ZNF676: variants seen among roughly 807,000 people sequenced by gnomAD.
ZNF676 encodes zinc finger protein 676.
A neutral mutation model predicts 6.0 loss-of-function variants in ZNF676; 4 were observed. The ratio of observed to expected loss-of-function variants is 0.67; its 90% CI spans 0.33 to 1.53. The LOEUF is 1.53. Among genes scored for constraint, ZNF676 ranks in the 40% most tolerant of loss-of-function variants. The pLI, the probability that ZNF676 is intolerant of heterozygous loss-of-function variation, is 0.06. For missense variants in ZNF676, 644 were observed against 679.7 expected, an observed-to-expected ratio of 0.95 and a Z score of 0.58; for synonymous variants, 198 against 223.1, an observed-to-expected ratio of 0.89 and a Z score of 1.00.
the ZNF676 span, among the ~76,000 whole-genome samples, chr19:22,229,369 T>C: frequency 2.0e-5 from 3 of 152,192 alleles, no homozygotes; most frequent in African/African-American, 7.2e-5. Context: ...GATTAAAGAC[T>C]TAAATGTAAC....
chr19:22,209,157 T>A (rs1349953895), intron 1 of ZNF676, among the ~76,000 whole-genome samples: 1 of 151,850 alleles, frequency 6.6e-6, no homozygotes, highest in Non-Finnish European at 1.5e-5. Flanking sequence ...CCCAGCTACT[T>A]GGGAGGCTGT....
chr19:22,202,703 A>G (rs2024038044), intron 1 of ZNF676, among the ~76,000 whole-genome samples: 1 of 152,248 alleles, frequency 6.6e-6, no homozygotes, highest in South Asian at 2.1e-4. Context: ...ACCATAATTC[A>G]TCTACAAGTA....
At chr19:22,219,101 GT>G (rs951141148), upstream of ZNF676, among the ~76,000 whole-genome samples, 9 of 124,590 alleles carry the variant, frequency 7.2e-5, no homozygotes, top group Admixed American at 4.1e-4. Flanking sequence ...TTTTTGTTTT[GT>G]TTTTTTTTCT....
At chr19:22,206,059 ACACACACAC>A (rs2024073181) in intron 1 of ZNF676, among the ~76,000 whole-genome samples, 1 of 10,488 alleles carries the variant, frequency 9.5e-5, no homozygotes, top group African/African-American at 7.7e-4. Flanking sequence ...AAAACTCAAC[ACACACACAC>A]ACACACACAC....
At chr19:22,193,789 A>C (rs2023939347) in intron 1 of ZNF676, among the ~76,000 whole-genome samples, 1 of 152,150 alleles carries the variant, frequency 6.6e-6, no homozygotes, top group South Asian at 2.1e-4. Context: ...AACAATCTGC[A>C]ACATCTTTTA....
intron 1 of ZNF676, among the ~76,000 whole-genome samples, chr19:22,208,860 T>G (rs1196054684): frequency 6.6e-6 from 1 of 152,140 alleles, no homozygotes; most frequent in Non-Finnish European, 1.5e-5. Flanking sequence ...GAGGATTGTT[T>G]GAGCCTGAGT....
the ZNF676 span, among the ~76,000 whole-genome samples, chr19:22,226,738 A>C: frequency 1.3e-5 from 2 of 151,946 alleles, no homozygotes; most frequent in Non-Finnish European, 2.9e-5. Context: ...TTGGGATTAC[A>C]GGCACTCACC....
At chr19:22,231,194 C>T in the ZNF676 span, among the ~76,000 whole-genome samples, 1 of 133,660 alleles carries the variant, frequency 7.5e-6, no homozygotes, top group South Asian at 2.4e-4. Context: ...TTCCAAAGTA[C>T]CACAAGGTAT....
intron 1 of ZNF676, among the ~76,000 whole-genome samples, chr19:22,208,983 G>A (rs544580906): frequency 4.0e-5 from 6 of 151,898 alleles, no homozygotes; most frequent in African/African-American, 1.4e-4. Context: ...AACAAAATAT[G>A]GGCCGGGTGC....
At chr19:22,234,086 G>A in the ZNF676 span, among the ~76,000 whole-genome samples, 1 of 152,168 alleles carries the variant, frequency 6.6e-6, no homozygotes, top group African/African-American at 2.4e-5. Context: ...CTCCTTCCAT[G>A]CAAAGTGCAC....
intron 1 of ZNF676, among the ~76,000 whole-genome samples, chr19:22,210,989 CTTAT>C (rs2024124071): frequency 3.3e-5 from 5 of 152,016 alleles, no homozygotes; most frequent in Admixed American, 6.6e-5. Flanking sequence ...TCTTTCTAAT[CTTAT>C]TTGTTTTCTC....
the ZNF676 span, among the ~76,000 whole-genome samples, chr19:22,250,962 T>C: frequency 6.6e-6 from 1 of 152,162 alleles, no homozygotes; most frequent in African/African-American, 2.4e-5. Flanking sequence ...TCCACTCACC[T>C]TGGTCTCCCA....
At chr19:22,192,951 A>T (rs1042482659) in intron 2 of ZNF676, 65 bp downstream of exon 2, 1 of 1,484,226 alleles carries the variant, frequency 6.7e-7, no homozygotes, top group Non-Finnish European at 9.0e-7. Context: ...AAATGACTTT[A>T]AGGACTGGCT....
chr19:22,210,846 T>C (rs973042365), intron 1 of ZNF676, among the ~76,000 whole-genome samples: 1 of 152,186 alleles, frequency 6.6e-6, no homozygotes, highest in African/African-American at 2.4e-5. Context: ...CGAGCCACCA[T>C]ACAACCTCAT....
At chr19:22,219,561 G>A (rs774264700), upstream of ZNF676, among the ~76,000 whole-genome samples, 14 of 152,114 alleles carry the variant, frequency 9.2e-5, no homozygotes, top group Non-Finnish European at 1.2e-4. Context: ...TTGAATAGAA[G>A]TGGTGAGAGT....
chr19:22,254,967 T>G, the ZNF676 span, among the ~76,000 whole-genome samples: 7 of 152,200 alleles, frequency 4.6e-5, no homozygotes, highest in South Asian at 2.1e-4. Context: ...CAATCACACA[T>G]GCAAGATGGT....
chr19:22,219,049 T>G (rs2024223295), upstream of ZNF676, among the ~76,000 whole-genome samples: 1 of 148,984 alleles, frequency 6.7e-6, no homozygotes, highest in Non-Finnish European at 1.5e-5. Context: ...TTTTTTTTGG[T>G]ATCCTGAAAT....
Position 22,181,345 on chromosome 19 carries a change from T to C in ZNF676, c.372A>G (p.Lys124=), listed in dbSNP as rs2023747200. 1.2e-6 allele frequency: 2 copies of C among 1,613,740 alleles called. No individual in the cohort carries two copies. Among genetic ancestry groups the C allele is most frequent in the African/African-American group, 1.3e-5 (1 of 75,032 alleles). ...QCGKYANVFH[K]CSNSNRHKIR... is the part of the protein sequence containing the mutation. ...TCTTATGTCTGTTTGAATTTGAACATTTATGAAAGACGTTTGCATATTTGC... is the reference window on the plus strand; with the variant it reads ...TCTTATGTCTGTTTGAATTTGAACACTTATGAAAGACGTTTGCATATTTGC... Residue 124 remains lysine (K), a synonymous_variant, in exon 3 of 3, where the codon AAA becomes AAG. Transcript: ENST00000397121.
the ZNF676 span, among the ~76,000 whole-genome samples, chr19:22,235,115 G>T: frequency 8.8e-6 from 1 of 113,950 alleles, no homozygotes; most frequent in Non-Finnish European, 1.8e-5. Context: ...CAGGAAGGCA[G>T]GAAGGCAGGA....
Sources: allele counts gnomAD v4.1 joint callset (sites outside exome capture counted in the v4.1 genomes callset), GRCh38; gene constraint gnomAD v4.1.1; transcripts MANE v1.5; gene names NCBI Gene and HGNC (gene_info 2026-07-23, HGNC 2026-07-21).